SGCZ: variants seen among roughly 807,000 people sequenced by gnomAD.
The protein encoded by SGCZ is sarcoglycan zeta.
In SGCZ, 40 loss-of-function variants were observed where a neutral mutation model predicts 41.3. The ratio of observed to expected loss-of-function variants is 0.97; its 90% CI spans 0.75 to 1.26. The LOEUF is 1.26. Among genes scored for constraint, SGCZ ranks in the 50% most tolerant of loss-of-function variants. The probability of loss-of-function intolerance (pLI) is 0.00; values close to 1 mark genes in which losing one functional copy is unlikely to be tolerated. For synonymous variants in SGCZ, 206 were observed against 137.5 expected (o/e 1.50, Z -3.49); for missense variants, 552 against 369.8 (o/e 1.49, Z -4.04).
intron 2 of SGCZ, among the ~76,000 whole-genome samples, chr8:14,503,066 C>T (rs529536960): frequency 1.8e-4 from 28 of 152,090 alleles, no homozygotes; most frequent in Admixed American, 7.2e-4. Context: ...CAATGATAGA[C>T]GGGATAAAGA....
chr8:14,643,492 A>G (rs560005747), intron 1 of SGCZ, among the ~76,000 whole-genome samples: 2 of 151,720 alleles, frequency 1.3e-5, no homozygotes, highest in East Asian at 3.9e-4. Context: ...AATTATGTGG[A>G]ATGAGCAGAT....
intron 1 of SGCZ, among the ~76,000 whole-genome samples, chr8:14,720,277 A>G (rs117438523): frequency 0.015 from 2,074 of 141,098 alleles, 35 homozygotes; most frequent in Non-Finnish European, 0.02. Flanking sequence ...TGAAAAATTC[A>G]CAGTTTGCTT....
chr8:14,847,164 A>AGAAGAAGAAGAAGAAGAAGAAGAG (rs1203687979), intron 1 of SGCZ, among the ~76,000 whole-genome samples: 25 of 145,834 alleles, frequency 1.7e-4, no homozygotes, highest in African/African-American at 6.0e-4. Context: ...AAGAAGAAGA[A>AGAAGAAGAAGAAGAAGAAGAAGAG]GAAGAAGAAG....
intron 2 of SGCZ, among the ~76,000 whole-genome samples, chr8:14,381,367 T>C (rs1025135840): frequency 2.0e-5 from 3 of 152,190 alleles, no homozygotes; most frequent in East Asian, 1.9e-4. Flanking sequence ...GGTCCAGCCA[T>C]CCTGATATTA....
intron 1 of SGCZ, among the ~76,000 whole-genome samples, chr8:14,890,844 A>C (rs1006195968): frequency 6.6e-6 from 1 of 152,196 alleles, no homozygotes; most frequent in Non-Finnish European, 1.5e-5. Flanking sequence ...GTTTTAGGCA[A>C]TGCTCATTTA....
chr8:15,080,731 C>T (rs1805713204), intron 1 of SGCZ, among the ~76,000 whole-genome samples: 1 of 152,072 alleles, frequency 6.6e-6, no homozygotes, highest in Admixed American at 6.5e-5. Context: ...ACTTGGATTA[C>T]AGGTGCCTGT....
At chr8:14,858,289 A>C (rs964151369) in intron 1 of SGCZ, among the ~76,000 whole-genome samples, 20 of 152,116 alleles carry the variant, frequency 1.3e-4, no homozygotes, top group African/African-American at 4.6e-4. Context: ...AACTCATCAC[A>C]TTAACAGAAG....
intron 2 of SGCZ, among the ~76,000 whole-genome samples, chr8:14,327,706 T>C (rs914689740): frequency 6.6e-6 from 1 of 152,218 alleles, no homozygotes; most frequent in African/African-American, 2.4e-5. Flanking sequence ...TTCTACTTAA[T>C]ATATGATTTC....
chr8:14,501,610 G>A (rs1474531280), intron 2 of SGCZ, among the ~76,000 whole-genome samples: 1 of 108,646 alleles, frequency 9.2e-6, no homozygotes, highest in Admixed American at 8.7e-5. Flanking sequence ...TAGTTATCCA[G>A]GTTTTTTTTT....
At chr8:14,647,102 T>C (rs1807246794) in intron 1 of SGCZ, among the ~76,000 whole-genome samples, 1 of 151,988 alleles carries the variant, frequency 6.6e-6, no homozygotes, top group Admixed American at 6.6e-5. Context: ...TACTGCTGCA[T>C]ACTCCAATCC....
At chr8:15,065,172 C>T (rs987427920) in intron 1 of SGCZ, among the ~76,000 whole-genome samples, 1 of 152,068 alleles carries the variant, frequency 6.6e-6, no homozygotes, top group Non-Finnish European at 1.5e-5. Context: ...CCAAGTGAGA[C>T]CCACTCCGCT....
At chr8:15,021,429 A>G (rs1013725896) in intron 1 of SGCZ, among the ~76,000 whole-genome samples, 2 of 152,220 alleles carry the variant, frequency 1.3e-5, no homozygotes, top group Non-Finnish European at 2.9e-5. Context: ...CGTGGCTATT[A>G]CATAGCATAC....
intron 1 of SGCZ, among the ~76,000 whole-genome samples, chr8:15,014,741 C>G (rs1022974575): frequency 1.3e-5 from 2 of 152,208 alleles, no homozygotes; most frequent in Non-Finnish European, 2.9e-5. Context: ...GGAGTCCATA[C>G]TGACTTTATA....
At chr8:14,814,587 A>G (rs563203206) in intron 1 of SGCZ, among the ~76,000 whole-genome samples, 1 of 152,122 alleles carries the variant, frequency 6.6e-6, no homozygotes, top group African/African-American at 2.4e-5. Context: ...CTATCTTGTT[A>G]TTTGGCCCTA....
At chr8:15,063,835 T>A (rs1462154024) in intron 1 of SGCZ, among the ~76,000 whole-genome samples, 1 of 152,226 alleles carries the variant, frequency 6.6e-6, no homozygotes, top group Admixed American at 6.5e-5. Flanking sequence ...TACTATAGTT[T>A]CTTCATAAGA....
chr8:15,028,893 A>C (rs566498228), intron 1 of SGCZ, among the ~76,000 whole-genome samples: 19 of 152,204 alleles, frequency 1.2e-4, no homozygotes, highest in Non-Finnish European at 2.2e-4. Flanking sequence ...GAATATATTC[A>C]AGATAATTTA....
chr8:14,164,397 TGCA>T (rs1263348371), intron 5 of SGCZ, among the ~76,000 whole-genome samples, 180 bp downstream of exon 5: 1 of 152,188 alleles, frequency 6.6e-6, no homozygotes, highest in Admixed American at 6.6e-5. Context: ...TGCTAATATT[TGCA>T]TTCTTTTCTA....
At chr8:14,970,973 A>C (rs1801275594) in intron 1 of SGCZ, among the ~76,000 whole-genome samples, 1 of 152,020 alleles carries the variant, frequency 6.6e-6, no homozygotes, top group Non-Finnish European at 1.5e-5. Flanking sequence ...TCCCCCTAAC[A>C]TTTTACATTT....
intron 1 of SGCZ, among the ~76,000 whole-genome samples, chr8:14,649,425 T>C (rs1223455144): frequency 3.3e-5 from 5 of 152,052 alleles, no homozygotes; most frequent in Admixed American, 6.6e-5. Context: ...TTCTTCCTGT[T>C]TGAAATACAG....
Sources: allele counts gnomAD v4.1 joint callset (sites outside exome capture counted in the v4.1 genomes callset), GRCh38; gene constraint gnomAD v4.1.1; transcripts MANE v1.5; gene names NCBI Gene and HGNC (gene_info 2026-07-23, HGNC 2026-07-21).